Variants in BBS7 observed in about 807,000 individuals in gnomAD.
The protein encoded by BBS7 is Bardet-Biedl syndrome 7.
In BBS7, 50 loss-of-function variants were observed where a neutral mutation model predicts 90.3. That is an observed-to-expected ratio of 0.55 (90% CI 0.44 to 0.70). BBS7 has a LOEUF of 0.70. Ranked by LOEUF, BBS7 falls within the 30% of genes least tolerant of loss-of-function variation. BBS7 has a pLI of 0.00. For missense variants in BBS7, 729 were observed against 838.9 expected (o/e 0.87, Z 1.62); for synonymous variants, 235 against 287.4 (o/e 0.82, Z 1.85).
chr4:121,827,882 T>G, intron 18 of BBS7: 1 of 1,151,052 alleles, frequency 8.7e-7, no homozygotes, highest in Middle Eastern at 3.5e-4. Flanking sequence ...GGTTTGTTCA[T>G]ATATATAGAT....
intron 12 of BBS7, among the ~76,000 whole-genome samples, chr4:121,843,085 A>C (rs1322995564): frequency 6.6e-6 from 1 of 152,176 alleles, no homozygotes; most frequent in Non-Finnish European, 1.5e-5. Flanking sequence ...CAGGAATTTT[A>C]AGAACTTCAG....
intron 13 of BBS7, among the ~76,000 whole-genome samples, chr4:121,836,367 C>T (rs1725449811): frequency 6.6e-6 from 1 of 152,116 alleles, no homozygotes; most frequent in African/African-American, 2.4e-5. Flanking sequence ...CTTATGCCTC[C>T]TCATATTGTA....
intron 4 of BBS7, among the ~76,000 whole-genome samples, chr4:121,860,389 C>T (rs1726909800): frequency 6.6e-6 from 1 of 152,064 alleles, no homozygotes; most frequent in Admixed American, 6.5e-5. Context: ...CAAGTTATAA[C>T]TTTTGTTTTC....
chr4:121,834,381 A>T (rs1177437203), intron 14 of BBS7, among the ~76,000 whole-genome samples: 1 of 152,170 alleles, frequency 6.6e-6, no homozygotes, highest in Non-Finnish European at 1.5e-5. Context: ...GTTCTCTTAA[A>T]TGTTTCCAAA....
intron 12 of BBS7, among the ~76,000 whole-genome samples, 163 bp downstream of exon 12, chr4:121,843,764 G>A (rs957721956): frequency 1.3e-5 from 2 of 152,106 alleles, no homozygotes; most frequent in African/African-American, 4.8e-5. Context: ...CAGGTTTCTC[G>A]ACTGAGGACA....
In BBS7 at chr4:121,844,005, T is replaced by G. The variant is rs751574060; in HGVS notation, c.1231-4A>C. 2 of 1,561,504 alleles carry G rather than the reference T, an allele frequency of 1.3e-6. No homozygotes were observed. The highest frequency in any genetic ancestry group is 2.3e-5 in the East Asian group (1 of 44,232). On this transcript the variant is annotated splice_region_variant and splice_polypyrimidine_tract_variant and intron_variant, in intron 11 of 18. Coordinates refer to ENST00000264499, the MANE Select transcript of BBS7 (RefSeq NM_176824.3). Reference sequence around the variant, plus strand: ...GTAAATCTATTGGAACATCACTCTATAGTCAATATTAAAAAAAAAGAAGGT... The same window carrying G: ...GTAAATCTATTGGAACATCACTCTAGAGTCAATATTAAAAAAAAAGAAGGT...
Position 121,828,504 on chromosome 4 carries a change from C to T in BBS7, c.1788G>A (p.Glu596=), listed in dbSNP as rs756139233. ...KRKINLNISY[E]INEVSVKHTL... ...TGTGTTTGACTGATACTTCATTTAT[C>T]TCTAGAAGGAGTTGACCAGATGCAG... The change falls in exon 17 of 19, where the codon GAG becomes GAA. Residue 596 remains glutamate (E), a splice_region_variant and synonymous_variant. Coordinates refer to ENST00000264499, the MANE Select transcript of BBS7 (RefSeq NM_176824.3). 6.2e-7 allele frequency: 1 copy of T among 1,612,032 alleles called. No homozygotes were observed. Among genetic ancestry groups the T allele is most frequent in the South Asian group, 1.1e-5 (1 of 91,036 alleles).
intron 9 of BBS7, 97 bp downstream of exon 9, chr4:121,848,747 A>T: frequency 1.0e-6 from 1 of 988,854 alleles, no homozygotes; most frequent in Non-Finnish European, 1.6e-6. Flanking sequence ...GGACTACTAT[A>T]ACTGTTTTTT....
At chr4:121,858,925 G>A (rs763061301) in intron 5 of BBS7, 67 bp downstream of exon 5, 1 of 1,441,782 alleles carries the variant, frequency 6.9e-7, no homozygotes, top group Non-Finnish European at 9.7e-7. Context: ...TTTATCTCAA[G>A]TACATAATGT....
intron 11 of BBS7, among the ~76,000 whole-genome samples, chr4:121,844,667 C>T (rs1298657652): frequency 6.6e-6 from 1 of 152,010 alleles, no homozygotes; most frequent in Non-Finnish European, 1.5e-5. Flanking sequence ...TTCTTTTCTA[C>T]TTCCTGAATA....
At chr4:121,869,876 G>C (rs74715953) in intron 1 of BBS7, among the ~76,000 whole-genome samples, 3,745 of 152,258 alleles carry the variant, frequency 0.025, 72 homozygotes, top group Middle Eastern at 0.041. Flanking sequence ...GCCTGGTGCG[G>C]TACAGCTCAC....
chr4:121,826,647 A>T (rs1724923491), intron 18 of BBS7, among the ~76,000 whole-genome samples: 1 of 152,248 alleles, frequency 6.6e-6, no homozygotes, highest in South Asian at 2.1e-4. Flanking sequence ...TATTTCTGGC[A>T]CAAAATATAC....
Position 121,825,681 on chromosome 4 carries a change from G to A in BBS7, c.*179C>T, listed in dbSNP as rs1724872440. 1.9e-6 allele frequency: 1 copy of A among 513,310 alleles called. No individual in the cohort carries two copies. The highest frequency in any genetic ancestry group is 2.0e-5 in the African/African-American group (1 of 51,014). The allele number at this position is 513,310 out of a possible 1,614,324, so 31.8% of individuals were successfully genotyped here. ...AAATAAAAAGACTCTTTTAGTTTTA[G>A]AAAGTTCAATTTGTCAAAAGAAATA... On this transcript the variant is annotated 3_prime_UTR_variant, in exon 19 of 19. Coordinates refer to ENST00000264499, the MANE Select transcript of BBS7 (RefSeq NM_176824.3).
At chr4:121,842,471 C>CA (rs554179645) in intron 12 of BBS7, among the ~76,000 whole-genome samples, 2,270 of 150,456 alleles carry the variant, frequency 0.015, 27 homozygotes, top group Non-Finnish European at 0.024. Context: ...CCTGTCTCTA[C>CA]AAAAAATTTA....
intron 2 of BBS7, among the ~76,000 whole-genome samples, chr4:121,864,241 T>G (rs1194144607): frequency 1.3e-5 from 2 of 152,208 alleles, no homozygotes; most frequent in East Asian, 3.8e-4. Flanking sequence ...AACTACTACT[T>G]ATCAAGTTTA....
At chr4:121,859,261 A>G in intron 4 of BBS7, 83 bp from the exon 5 acceptor site, 1 of 1,178,292 alleles carries the variant, frequency 8.5e-7, no homozygotes, top group South Asian at 1.3e-5. Flanking sequence ...AAATGTATAC[A>G]GTTTACTAAC....
intron 8 of BBS7, among the ~76,000 whole-genome samples, chr4:121,849,485 A>G (rs1475247194): frequency 6.6e-6 from 1 of 152,178 alleles, no homozygotes; most frequent in Non-Finnish European, 1.5e-5. Context: ...ATAGGCGTGA[A>G]CCACAGCGCC....
chr4:121,856,069 A>G (rs1726653815), intron 5 of BBS7, among the ~76,000 whole-genome samples: 1 of 152,222 alleles, frequency 6.6e-6, no homozygotes, highest in South Asian at 2.1e-4. Flanking sequence ...TGACACTGGC[A>G]GATTTTCCTA....
chr4:121,827,669 G>T, intron 18 of BBS7: 1 of 568,310 alleles, frequency 1.8e-6, no homozygotes, highest in Admixed American at 6.2e-5. Context: ...AATACAATTT[G>T]TGAAACATTC....
Sources: gnomAD v4.1 joint callset for allele counts (sites outside exome capture counted in the v4.1 genomes callset) on GRCh38, gnomAD v4.1.1 for gene constraint, MANE v1.5 for transcripts, NCBI Gene and HGNC (gene_info 2026-07-23, HGNC 2026-07-21) for gene names.